The following NIPBL variants were observed in gnomAD, a reference collection of about 807,000 sequenced individuals.
NIPBL encodes the protein nipped-B-like protein.
In NIPBL, 19 loss-of-function variants were observed where a neutral mutation model predicts 321.8. The ratio of observed to expected loss-of-function variants is 0.06; its 90% CI spans 0.04 to 0.09. The LOEUF is 0.09. Ranked by LOEUF, NIPBL falls within the 10% of genes least tolerant of loss-of-function variation. The pLI is 1.00. For missense variants in NIPBL, 2,210 were observed against 3,327.0 expected, an observed-to-expected ratio of 0.66 and a Z score of 8.26; for synonymous variants, 1,106 against 1,114.1, an observed-to-expected ratio of 0.99 and a Z score of 0.14.
intron 1 of NIPBL, among the ~76,000 whole-genome samples, chr5:36,901,363 T>A (rs1747196135): frequency 6.6e-6 from 1 of 152,164 alleles, no homozygotes. Flanking sequence ...GCATCTAGGT[T>A]GATTCCATGT....
chr5:36,913,666 C>T (rs1191637145), intron 1 of NIPBL, among the ~76,000 whole-genome samples: 2 of 152,110 alleles, frequency 1.3e-5, no homozygotes, highest in African/African-American at 4.8e-5. Context: ...AGCCACTGTG[C>T]CCAGCTTAGT....
At chr5:37,062,061 C>T (rs1754755657) in intron 45 of NIPBL, among the ~76,000 whole-genome samples, 1 of 152,134 alleles carries the variant, frequency 6.6e-6, no homozygotes. Flanking sequence ...AGGCTGGTCT[C>T]AAACTCCTGA....
intron 1 of NIPBL, among the ~76,000 whole-genome samples, chr5:36,888,707 A>G (rs1426806767): frequency 2.6e-5 from 4 of 152,072 alleles, no homozygotes; most frequent in Non-Finnish European, 5.9e-5. Flanking sequence ...ATGGTTTTGT[A>G]TAACTTTATG....
At chr5:37,026,870 C>T (rs1750331772) in intron 31 of NIPBL, among the ~76,000 whole-genome samples, 1 of 149,842 alleles carries the variant, frequency 6.7e-6, no homozygotes, top group African/African-American at 2.5e-5. Flanking sequence ...TGTGAATAGG[C>T]ACTACACTCC....
chr5:36,949,294 C>T (rs1443141389), intron 1 of NIPBL, among the ~76,000 whole-genome samples: 2 of 151,804 alleles, frequency 1.3e-5, no homozygotes, highest in African/African-American at 2.4e-5. Flanking sequence ...ATTGTGTATG[C>T]ATAGTAATCT....
chr5:36,936,566 G>A (rs189090686), intron 1 of NIPBL, among the ~76,000 whole-genome samples: 17 of 152,198 alleles, frequency 1.1e-4, no homozygotes, highest in Non-Finnish European at 1.6e-4. Flanking sequence ...TTCTCAGAAC[G>A]TTTGTCCCTG....
intron 32 of NIPBL, among the ~76,000 whole-genome samples, chr5:37,033,849 T>G (rs1751401119): frequency 6.7e-6 from 1 of 149,382 alleles, no homozygotes; most frequent in African/African-American, 2.5e-5. Flanking sequence ...ACTACAAGCA[T>G]GCACCACCAT....
chr5:36,998,050 G>T lies in NIPBL; in HGVS notation c.3304+2246G>T, dbSNP rs141659413. Among the ~76,000 whole-genome samples, 216 of 152,264 alleles carry T rather than the reference G, an allele frequency of 1.4e-3. 3 individuals are homozygous for T. The highest frequency in any genetic ancestry group is 0.014 in the East Asian group (73 of 5,180). On this transcript the variant is annotated intron_variant, in intron 11 of 46. Transcript: ENST00000282516. ...TAGCACAAATATAAGGTCACTGGGTGCCTGGGGAAAATGGAGAGAGGGGTG... is the reference window on the plus strand; with the variant it reads ...TAGCACAAATATAAGGTCACTGGGTTCCTGGGGAAAATGGAGAGAGGGGTG...
In NIPBL at chr5:37,003,334, C is replaced by T; in HGVS notation, c.3842C>T (p.Thr1281Ile). The change falls in exon 16 of 47, where the codon ACT becomes ATT. Residue 1281 changes from threonine (T) to isoleucine (I), a missense_variant. Physicochemically the swap from Thr to Ile is moderately conservative, Grantham distance 89. Around this residue, in one of 14 missense-constraint regions of NIPBL, gnomAD observed 381 missense variants for 642.3 expected, o/e 0.59. Transcript: ENST00000282516. ...KNIQDGSKLSTLLNHNNDTEE... is the reference protein window; with the variant it reads ...KNIQDGSKLSILLNHNNDTEE... ...ATTCAGGATGGGTCAAAGCTTTCCA[C>T]TTTGTTAAATCATGTAAGTTTAAGA... 5 of 1,594,732 alleles carry T rather than the reference C, an allele frequency of 3.1e-6. No homozygotes were observed. The highest frequency in any genetic ancestry group is 4.3e-6 in the Non-Finnish European group (5 of 1,163,116).
At chr5:36,893,273 T>A (rs560299680) in intron 1 of NIPBL, among the ~76,000 whole-genome samples, 7 of 152,336 alleles carry the variant, frequency 4.6e-5, no homozygotes, top group African/African-American at 1.4e-4. Context: ...ATTAAAGGGA[T>A]GCTTTTAAAA....
chr5:36,882,770 G>A (rs1182301141), intron 1 of NIPBL, among the ~76,000 whole-genome samples: 1 of 151,796 alleles, frequency 6.6e-6, no homozygotes. Flanking sequence ...TGGTGAAAGG[G>A]TAGCCTTGAT....
chr5:36,918,112 G>A (rs199577957), intron 1 of NIPBL, among the ~76,000 whole-genome samples: 1 of 152,072 alleles, frequency 6.6e-6, no homozygotes, highest in East Asian at 1.9e-4. Context: ...AATTACCTTG[G>A]GCAGTATGGC....
intron 45 of NIPBL, among the ~76,000 whole-genome samples, chr5:37,062,920 A>G (rs1229270026): frequency 6.6e-6 from 1 of 152,136 alleles, no homozygotes; most frequent in African/African-American, 2.4e-5. Context: ...ACCCTGTCTC[A>G]ATTTAAAAAG....
At chr5:37,000,247 A>C in intron 11 of NIPBL, 126 bp from the exon 12 acceptor site, 1 of 876,054 alleles carries the variant, frequency 1.1e-6, no homozygotes, top group Admixed American at 2.3e-5. Flanking sequence ...GGATAGACAA[A>C]ATCACTGAAT....
At chr5:37,051,219 T>G (rs1195981448) in intron 40 of NIPBL, 1 of 152,670 alleles carries the variant, frequency 6.6e-6, no homozygotes, top group African/African-American at 2.4e-5. Context: ...TTTGTTGTTG[T>G]TTTTCTGGCC....
At chr5:36,898,885 T>C (rs1580177084) in intron 1 of NIPBL, among the ~76,000 whole-genome samples, 1 of 152,218 alleles carries the variant, frequency 6.6e-6, no homozygotes, top group East Asian at 1.9e-4. Context: ...CATACTATAT[T>C]GCTTCTCCAC....
chr5:36,955,699 C>T lies in NIPBL; in HGVS notation c.230+62C>T, dbSNP rs537333908. The T allele has an allele frequency of 1.1e-4, 145 of 1,331,222 alleles. No individual in the cohort carries two copies. The African/African-American group carries it at 1.8e-3, about 17-fold the overall frequency. 82.5% of individuals were successfully genotyped at this position (1,331,222 alleles called of 1,614,324 possible). A position where few individuals can be genotyped will look rare whatever the true frequency, so the allele number is the denominator to read the frequency against. ...AAGTTTTGGCCTTACTAAGAGAATC[C>T]GTATTCCTGGTTTTATTTCAGAAAT... On this transcript the variant is annotated intron_variant, in intron 3 of 46. Coordinates refer to ENST00000282516, the MANE Select transcript of NIPBL (RefSeq NM_133433.4).
At chr5:36,916,366 C>T (rs1291214220) in intron 1 of NIPBL, among the ~76,000 whole-genome samples, 2 of 152,224 alleles carry the variant, frequency 1.3e-5, no homozygotes, top group Non-Finnish European at 2.9e-5. Flanking sequence ...TAATTAGCAT[C>T]TGACTAAAAG....
chr5:36,880,529 T>C (rs887929473), intron 1 of NIPBL, among the ~76,000 whole-genome samples: 3 of 152,074 alleles, frequency 2.0e-5, no homozygotes, highest in Non-Finnish European at 4.4e-5. Context: ...AATGTAACTT[T>C]AATTCTGTTT....
Sources: gnomAD v4.1 joint callset for allele counts (sites outside exome capture counted in the v4.1 genomes callset) on GRCh38, gnomAD v4.1.1 for gene constraint, gnomAD v4.1.1 regional missense constraint, MANE v1.5 for transcripts, NCBI Gene and HGNC (gene_info 2026-07-23, HGNC 2026-07-21) for gene names.